The following AHRR variants were observed in gnomAD, a reference collection of about 807,000 sequenced individuals.
AHRR encodes the protein ahR repressor.
In AHRR, 28 loss-of-function variants were observed where a neutral mutation model predicts 44.0. That is an observed-to-expected ratio of 0.64 (90% CI 0.47 to 0.87). The LOEUF (loss-of-function observed/expected upper bound fraction) is 0.87, where lower values mean the gene tolerates loss of function less well. Among genes scored for constraint, AHRR ranks in the 40% least tolerant of loss-of-function variants. AHRR has a pLI of 0.00. For synonymous variants in AHRR, 434 were observed against 407.0 expected (o/e 1.07, Z -0.80); for missense variants, 990 against 953.9 (o/e 1.04, Z -0.50).
intron 3 of AHRR, among the ~76,000 whole-genome samples, chr5:368,640 C>T (rs796254414): frequency 7.9e-5 from 12 of 152,330 alleles, no homozygotes; most frequent in South Asian, 4.1e-4. Flanking sequence ...GCATCTTCCA[C>T]GATAACGTGG....
chr5:399,181 G>A (rs1734903676), intron 4 of AHRR, among the ~76,000 whole-genome samples: 1 of 152,258 alleles, frequency 6.6e-6, no homozygotes, highest in African/African-American at 2.4e-5. Flanking sequence ...TAGCCCCAGG[G>A]TCTCTGAGGC....
chr5:344,119 G>A, intron 2 of AHRR, 155 bp downstream of exon 2: 2 of 728,184 alleles, frequency 2.7e-6, no homozygotes, highest in African/African-American at 1.9e-5. Flanking sequence ...GGGCGGCGCA[G>A]GAGTCGTCTC....
At chr5:324,919 TA>T (rs1378625504) in intron 1 of AHRR, among the ~76,000 whole-genome samples, 1 of 152,172 alleles carries the variant, frequency 6.6e-6, no homozygotes, top group Non-Finnish European at 1.5e-5. Flanking sequence ...CCACAGGGAA[TA>T]TTTATCTGCT....
chr5:363,968 T>C (rs1226555632), intron 3 of AHRR, among the ~76,000 whole-genome samples: 1 of 152,240 alleles, frequency 6.6e-6, no homozygotes, highest in Non-Finnish European at 1.5e-5. Context: ...ATTAACATCC[T>C]GTTCTAATGC....
At chr5:393,296 CA>C (rs1453968955) in intron 4 of AHRR, among the ~76,000 whole-genome samples, 2 of 152,256 alleles carry the variant, frequency 1.3e-5, no homozygotes, top group Non-Finnish European at 2.9e-5. Context: ...CCCGATGTCA[CA>C]GATTCTTGTC....
At chr5:344,022 GGGGTTTGCCTTGAAAAC>G (rs1229552005) in intron 2 of AHRR, 58 bp downstream of exon 2, 2 of 1,545,166 alleles carry the variant, frequency 1.3e-6, no homozygotes, top group Non-Finnish European at 1.8e-6. Context: ...GGGGAGGGTT[GGGGTTTGCCTTGAAAAC>G]GGAGTTTTAG....
chr5:368,641 G>A (rs1374333909), intron 3 of AHRR, among the ~76,000 whole-genome samples: 2 of 152,198 alleles, frequency 1.3e-5, no homozygotes, highest in African/African-American at 2.4e-5. Flanking sequence ...CATCTTCCAC[G>A]ATAACGTGGG....
At chr5:413,461 T>C (rs527898761) in intron 5 of AHRR, 28 bp downstream of exon 5, 1 of 1,493,506 alleles carries the variant, frequency 6.7e-7, no homozygotes. Context: ...AGCCCTCCAG[T>C]CTGTTAAGTG....
intron 1 of AHRR, among the ~76,000 whole-genome samples, chr5:341,299 G>A (rs1235571927): frequency 6.6e-6 from 1 of 152,206 alleles, no homozygotes; most frequent in Non-Finnish European, 1.5e-5. Flanking sequence ...ATAGGCCTAA[G>A]CCACTGCGCC....
chr5:418,066 C>T (rs925376684), intron 5 of AHRR, among the ~76,000 whole-genome samples: 2 of 152,174 alleles, frequency 1.3e-5, no homozygotes, highest in Non-Finnish European at 2.9e-5. Flanking sequence ...AGTTAGAATC[C>T]CACAGGCATG....
intron 3 of AHRR, among the ~76,000 whole-genome samples, chr5:368,335 G>A (rs893882682): frequency 2.6e-5 from 4 of 152,200 alleles, no homozygotes; most frequent in Non-Finnish European, 5.9e-5. Flanking sequence ...CTGTGGCCGC[G>A]TGGGGTTAGT....
intron 4 of AHRR, among the ~76,000 whole-genome samples, chr5:408,550 G>A (rs1735359535): frequency 6.6e-6 from 1 of 151,902 alleles, no homozygotes; most frequent in South Asian, 2.1e-4. Flanking sequence ...GGCTATTGGT[G>A]TATTATTTTC....
At chr5:334,672 T>G (rs955889109) in intron 1 of AHRR, among the ~76,000 whole-genome samples, 1 of 152,132 alleles carries the variant, frequency 6.6e-6, no homozygotes, top group Non-Finnish European at 1.5e-5. Flanking sequence ...TATTTTGAAT[T>G]CTTTATCTGG....
At chr5:362,152 G>A (rs1002877106) in intron 3 of AHRR, among the ~76,000 whole-genome samples, 1 of 152,170 alleles carries the variant, frequency 6.6e-6, no homozygotes, top group Non-Finnish European at 1.5e-5. Context: ...TATAAGGAGA[G>A]ACATCGGAGG....
intron 1 of AHRR, among the ~76,000 whole-genome samples, chr5:333,944 G>C (rs1174999523): frequency 2.0e-5 from 3 of 152,094 alleles, no homozygotes; most frequent in East Asian, 1.9e-4. Context: ...GGCTTTTCTG[G>C]GAAAGACTTT....
chr5:403,508 T>TGG (rs1735113645), intron 4 of AHRR, among the ~76,000 whole-genome samples: 2 of 151,998 alleles, frequency 1.3e-5, no homozygotes, highest in African/African-American at 4.8e-5. Context: ...TGGTGGCGCA[T>TGG]GCCTGTAATC....
intron 5 of AHRR, among the ~76,000 whole-genome samples, chr5:415,843 T>C (rs1246963173): frequency 6.6e-6 from 1 of 152,170 alleles, no homozygotes; most frequent in South Asian, 2.1e-4. Context: ...CACAGTTTTA[T>C]CCAATTTCCA....
chr5:431,081 C>T (rs768479), intron 8 of AHRR, among the ~76,000 whole-genome samples: 49,589 of 152,142 alleles, frequency 0.33, 9,091 homozygotes, highest in Non-Finnish European at 0.42. Context: ...ATGGCAAGCC[C>T]GGTCTTCCCT....
rs1428361100 is a variant in AHRR, at chr5:415,623, TAGGGGCCGAATCTGCCTGGTGGGGC to T, written c.441+2191_441+2215del. Among the ~76,000 whole-genome samples the T allele has an allele frequency of 9.9e-3, 1,472 of 148,086 alleles. 41 individuals are homozygous for T. The highest frequency in any genetic ancestry group is 0.038 in the Admixed American group (574 of 14,972). On this transcript the variant is annotated intron_variant, in intron 5 of 10. Transcript: ENST00000684583. ...AATCTGCCTGGTGGGGCGGGAGGCC[TAGGGGCCGAATCTGCCTGGTGGGGC>T]GGGAGGCCTAGGGGCCGAATCTGCC... is the stretch of plus-strand genomic sequence containing the variant.
Sources: allele counts gnomAD v4.1 joint callset (sites outside exome capture counted in the v4.1 genomes callset), GRCh38; gene constraint gnomAD v4.1.1; transcripts MANE v1.5; gene names NCBI Gene and HGNC (gene_info 2026-07-23, HGNC 2026-07-21).